Variants in ARHGAP15 observed in about 807,000 individuals in gnomAD.
ARHGAP15 encodes Rho GTPase activating protein 15.
Under a neutral mutation model 63.7 loss-of-function variants are expected in ARHGAP15, and 51 were observed. The observed-to-expected ratio is 0.80, with a 90% CI of 0.64 to 1.01. ARHGAP15 has a LOEUF of 1.01. ARHGAP15 is among the 50% of genes least tolerant of loss of function. The pLI, the probability that ARHGAP15 is intolerant of heterozygous loss-of-function variation, is 0.00. For synonymous variants in ARHGAP15, 191 were observed against 193.8 expected, an observed-to-expected ratio of 0.99 and a Z score of 0.12; for missense variants, 560 against 564.6, an observed-to-expected ratio of 0.99 and a Z score of 0.08.
intron 2 of ARHGAP15, among the ~76,000 whole-genome samples, chr2:143,167,485 TC>T (rs1690590398): frequency 6.6e-6 from 1 of 152,092 alleles, no homozygotes; most frequent in African/African-American, 2.4e-5. Context: ...CAGATTGGAT[TC>T]AGTATGCATT....
intron 6 of ARHGAP15, among the ~76,000 whole-genome samples, chr2:143,413,960 T>TGC (rs1254967791): frequency 1.6e-5 from 1 of 64,410 alleles, no homozygotes; most frequent in Non-Finnish European, 3.3e-5. Context: ...TGTGTGTGTG[T>TGC]GTGTGTGCGC....
chr2:143,349,016 A>G (rs1022524717), intron 6 of ARHGAP15, among the ~76,000 whole-genome samples: 1 of 152,190 alleles, frequency 6.6e-6, no homozygotes, highest in African/African-American at 2.4e-5. Context: ...ACTGGAAGGA[A>G]TGAAATAACT....
chr2:143,538,939 A>G (rs1248428592), intron 10 of ARHGAP15, among the ~76,000 whole-genome samples: 1 of 152,182 alleles, frequency 6.6e-6, no homozygotes, highest in Non-Finnish European at 1.5e-5. Context: ...TGATTGGTAT[A>G]GTTTCAGAAG....
chr2:143,444,208 C>T (rs981337190), intron 8 of ARHGAP15, among the ~76,000 whole-genome samples: 2 of 152,038 alleles, frequency 1.3e-5, no homozygotes, highest in African/African-American at 4.8e-5. Flanking sequence ...ATCTTGCTTT[C>T]AATAATAGGG....
At chr2:143,166,022 G>A (rs1318567287) in intron 2 of ARHGAP15, among the ~76,000 whole-genome samples, 4 of 140,932 alleles carry the variant, frequency 2.8e-5, no homozygotes, top group South Asian at 2.2e-4. Context: ...AGGAAAAAAA[G>A]AAAGAAAACA....
At chr2:143,682,741 A>G (rs1432914571) in intron 12 of ARHGAP15, 1 of 152,180 alleles carries the variant, frequency 6.6e-6, no homozygotes, top group Non-Finnish European at 1.5e-5. Flanking sequence ...TCTCAGCTGA[A>G]GTATTTGAGT....
chr2:143,280,939 A>G (rs564533014), intron 6 of ARHGAP15, among the ~76,000 whole-genome samples: 1 of 152,304 alleles, frequency 6.6e-6, no homozygotes, highest in East Asian at 1.9e-4. Flanking sequence ...ATATTTTGCT[A>G]GAAGAAAAAA....
intron 6 of ARHGAP15, among the ~76,000 whole-genome samples, chr2:143,418,956 A>G (rs1320145758): frequency 6.6e-6 from 1 of 152,206 alleles, no homozygotes; most frequent in Non-Finnish European, 1.5e-5. Flanking sequence ...TGGTATTCAC[A>G]GCAGCCCTGG....
At chr2:143,483,448 T>G (rs1225429726) in intron 8 of ARHGAP15, among the ~76,000 whole-genome samples, 1 of 152,234 alleles carries the variant, frequency 6.6e-6, no homozygotes, top group African/African-American at 2.4e-5. Context: ...GCAAGGTTTT[T>G]GAGGTGAGAC....
intron 12 of ARHGAP15, among the ~76,000 whole-genome samples, chr2:143,628,617 G>A (rs1395073539): frequency 6.6e-6 from 1 of 152,104 alleles, no homozygotes; most frequent in African/African-American, 2.4e-5. Context: ...TCTGGTTTCA[G>A]CTCCCATCTG....
At chr2:143,369,379 C>T (rs774125371) in intron 6 of ARHGAP15, among the ~76,000 whole-genome samples, 1 of 151,966 alleles carries the variant, frequency 6.6e-6, no homozygotes, top group African/African-American at 2.4e-5. Context: ...TTTAAAATGG[C>T]AAATTATATA....
At chr2:143,672,286 T>A (rs1343554853) in intron 12 of ARHGAP15, among the ~76,000 whole-genome samples, 1 of 152,084 alleles carries the variant, frequency 6.6e-6, no homozygotes. Flanking sequence ...TAAACTGAGG[T>A]TCTCAGATAT....
intron 9 of ARHGAP15, among the ~76,000 whole-genome samples, chr2:143,502,881 T>C (rs975530242): frequency 2.0e-5 from 3 of 152,220 alleles, no homozygotes; most frequent in African/African-American, 7.2e-5. Flanking sequence ...TGCCCGCCCC[T>C]GTGTGTGGAT....
chr2:143,764,086 G>T (rs1371425941), intron 13 of ARHGAP15, among the ~76,000 whole-genome samples: 1 of 152,004 alleles, frequency 6.6e-6, no homozygotes, highest in Non-Finnish European at 1.5e-5. Context: ...TTTAAAACGT[G>T]CATAAGTTTT....
chr2:143,141,165 G>C (rs540978553), intron 1 of ARHGAP15, among the ~76,000 whole-genome samples: 3 of 152,160 alleles, frequency 2.0e-5, no homozygotes, highest in African/African-American at 7.2e-5. Context: ...AGGAAACACA[G>C]GAATCCAACA....
intron 13 of ARHGAP15, among the ~76,000 whole-genome samples, chr2:143,730,229 C>T (rs1010148245): frequency 6.6e-6 from 1 of 152,202 alleles, no homozygotes; most frequent in African/African-American, 2.4e-5. Context: ...GAAGATATTT[C>T]TCTGGTCACC....
At chr2:143,646,066 A>G (rs924974476) in intron 12 of ARHGAP15, among the ~76,000 whole-genome samples, 3 of 152,092 alleles carry the variant, frequency 2.0e-5, no homozygotes, top group Admixed American at 6.6e-5. Context: ...TTGAAAGTAG[A>G]AACAGTAAGA....
intron 8 of ARHGAP15, among the ~76,000 whole-genome samples, chr2:143,479,012 TC>T (rs924714771): frequency 7.2e-5 from 11 of 152,176 alleles, no homozygotes; most frequent in African/African-American, 2.4e-4. Context: ...TATATGTTAC[TC>T]CCCTCTATAC....
chr2:143,615,990 T>A (rs979043987), intron 11 of ARHGAP15, among the ~76,000 whole-genome samples: 1 of 152,118 alleles, frequency 6.6e-6, no homozygotes, highest in African/African-American at 2.4e-5. Context: ...TAAAGAAATA[T>A]ATATGGGTGC....
Sources: allele counts gnomAD v4.1 joint callset (sites outside exome capture counted in the v4.1 genomes callset), GRCh38; gene constraint gnomAD v4.1.1; transcripts MANE v1.5; gene names NCBI Gene and HGNC (gene_info 2026-07-23, HGNC 2026-07-21).